GPC6: variants seen among roughly 807,000 people sequenced by gnomAD.
The protein encoded by GPC6 is glypican 6.
A neutral mutation model predicts 55.2 loss-of-function variants in GPC6; 14 were observed. The ratio of observed to expected loss-of-function variants is 0.25; its 90% CI spans 0.17 to 0.40. The LOEUF is 0.40. Ranked by LOEUF, GPC6 falls within the 10% of genes least tolerant of loss-of-function variation. The pLI, the probability that GPC6 is intolerant of heterozygous loss-of-function variation, is 1.00. For synonymous variants in GPC6, 278 were observed against 259.6 expected (o/e 1.07, Z -0.68); for missense variants, 641 against 708.5 (o/e 0.90, Z 1.08).
At chr13:94,270,298 T>C (rs1891951342) in intron 4 of GPC6, among the ~76,000 whole-genome samples, 1 of 152,192 alleles carries the variant, frequency 6.6e-6, no homozygotes, top group Non-Finnish European at 1.5e-5. Flanking sequence ...AGGAGTATAT[T>C]TTATAATAGT....
At chr13:93,619,477 G>A (rs1208314443) in intron 2 of GPC6, among the ~76,000 whole-genome samples, 1 of 152,108 alleles carries the variant, frequency 6.6e-6, no homozygotes, top group Non-Finnish European at 1.5e-5. Context: ...TCTAGAGACA[G>A]GGTTTCCCTT....
chr13:93,718,917 C>A (rs1272783551), intron 2 of GPC6, among the ~76,000 whole-genome samples: 1 of 151,686 alleles, frequency 6.6e-6, no homozygotes, highest in African/African-American at 2.4e-5. Flanking sequence ...TTTTCTGAGA[C>A]CTCTGTTCTA....
rs146654560 is a variant in GPC6 at position 93,350,317 on chromosome 13, C to T, written c.160+122701C>T. ...AGGTGTGGTGGCGGGTGCTTTAGTC[C>T]CAGCTACTCAGGAGGCTGAGGCAGG... On this transcript the variant is annotated intron_variant, in intron 1 of 8. Transcript: ENST00000377047. Among the ~76,000 whole-genome samples the T allele has an allele frequency of 3.3e-3, 508 of 152,088 alleles. 5 individuals are homozygous for T. Among genetic ancestry groups the T allele is most frequent in the African/African-American group, 0.012 (492 of 41,464 alleles).
At chr13:94,174,064 G>A (rs1424867851) in intron 4 of GPC6, among the ~76,000 whole-genome samples, 2 of 152,048 alleles carry the variant, frequency 1.3e-5, no homozygotes, top group Non-Finnish European at 2.9e-5. Context: ...TATGATTTTA[G>A]CTCTCTGGAA....
intron 1 of GPC6, among the ~76,000 whole-genome samples, chr13:93,494,624 G>A (rs1204488999): frequency 6.6e-6 from 1 of 152,096 alleles, no homozygotes; most frequent in Non-Finnish European, 1.5e-5. Flanking sequence ...AGTCTCAATG[G>A]TCTTTACATT....
At chr13:93,388,035 C>T (rs1014399472) in intron 1 of GPC6, among the ~76,000 whole-genome samples, 3 of 152,102 alleles carry the variant, frequency 2.0e-5, no homozygotes, top group African/African-American at 4.8e-5. Flanking sequence ...AAAATTCCAT[C>T]CATTATACTC....
intron 2 of GPC6, among the ~76,000 whole-genome samples, chr13:93,748,808 T>C (rs1029904103): frequency 3.3e-5 from 5 of 152,100 alleles, no homozygotes; most frequent in African/African-American, 1.2e-4. Flanking sequence ...CTTATTTTCA[T>C]GAACAAGTGA....
At chr13:94,400,962 A>G (rs747516323) in intron 8 of GPC6, among the ~76,000 whole-genome samples, 2 of 152,142 alleles carry the variant, frequency 1.3e-5, no homozygotes, top group Non-Finnish European at 2.9e-5. Context: ...TAAATAACAA[A>G]TGTCAGGGTA....
chr13:93,615,321 A>G (rs1566450863), intron 2 of GPC6, among the ~76,000 whole-genome samples: 1 of 152,178 alleles, frequency 6.6e-6, no homozygotes, highest in Non-Finnish European at 1.5e-5. Flanking sequence ...TCTTCCTGTT[A>G]TAAAATTACT....
chr13:93,636,061 T>C lies in GPC6; in HGVS notation c.319+90640T>C, dbSNP rs192291222. 9.2e-5 allele frequency among the ~76,000 whole-genome samples: 14 copies of C among 152,056 alleles called. No homozygotes were observed. In the East Asian group the frequency reaches 2.3e-3, roughly 25 times the overall value. ...CACACATACTGACATATTCCTAGGA[T>C]AGAAAAAAATGGGCAATGTTTTGAG... On this transcript the variant is annotated intron_variant, in intron 2 of 8. Transcript: ENST00000377047.
intron 2 of GPC6, among the ~76,000 whole-genome samples, chr13:93,795,519 G>C (rs2138928648): frequency 6.6e-6 from 1 of 152,208 alleles, no homozygotes; most frequent in African/African-American, 2.4e-5. Context: ...TCTTCTACAA[G>C]CTATACAAAG....
intron 3 of GPC6, among the ~76,000 whole-genome samples, chr13:93,871,166 C>G (rs755428566): frequency 2.6e-5 from 4 of 151,898 alleles, no homozygotes; most frequent in Non-Finnish European, 5.9e-5. Context: ...GAGACAGACT[C>G]TGTCTGCACG....
intron 1 of GPC6, among the ~76,000 whole-genome samples, chr13:93,310,751 A>G (rs1010994525): frequency 6.6e-6 from 1 of 152,298 alleles, no homozygotes; most frequent in Admixed American, 6.5e-5. Context: ...GTTGCATTCT[A>G]TATTTTAGGA....
At chr13:93,393,577 AAT>A (rs1464305832) in intron 1 of GPC6, among the ~76,000 whole-genome samples, 1 of 152,052 alleles carries the variant, frequency 6.6e-6, no homozygotes, top group East Asian at 1.9e-4. Context: ...CAAGCTTGAA[AAT>A]ATATGTTGCA....
chr13:93,769,191 G>A (rs1885214590), intron 2 of GPC6, among the ~76,000 whole-genome samples: 1 of 151,988 alleles, frequency 6.6e-6, no homozygotes, highest in South Asian at 2.1e-4. Context: ...AAATATGGTA[G>A]TCTTTGTTTC....
intron 6 of GPC6, among the ~76,000 whole-genome samples, chr13:94,372,962 C>T (rs956640899): frequency 6.6e-6 from 1 of 152,188 alleles, no homozygotes; most frequent in Non-Finnish European, 1.5e-5. Flanking sequence ...ACACTGACAC[C>T]TCACACGGCA....
In GPC6 at chr13:93,902,165, C is replaced by T. The variant is rs118028917; in HGVS notation, c.711+71620C>T. Among the ~76,000 whole-genome samples the T allele has an allele frequency of 5.6e-4, 85 of 152,168 alleles. No homozygotes were observed. In the East Asian group the frequency reaches 0.016, roughly 29 times the overall value. On this transcript the variant is annotated intron_variant, in intron 3 of 8. Coordinates refer to ENST00000377047, the MANE Select transcript of GPC6 (RefSeq NM_005708.5). ...TGTGACAGAACACTGGAACTTATCC[C>T]TCCAGCCTAACTGTAACTTTGCACC...
chr13:93,647,757 C>T (rs139089318), intron 2 of GPC6, among the ~76,000 whole-genome samples: 112 of 152,282 alleles, frequency 7.4e-4, no homozygotes, highest in African/African-American at 2.6e-3. Flanking sequence ...CATTTCAGTT[C>T]GCTCACTGCT....
chr13:93,709,768 T>C lies in GPC6; in HGVS notation c.320-120386T>C, dbSNP rs1882989455. On this transcript the variant is annotated intron_variant, in intron 2 of 8. Coordinates refer to ENST00000377047, the MANE Select transcript of GPC6 (RefSeq NM_005708.5). ...TAAAGATAAATAGTGTCACTAAGTG[T>C]CTTTTAGTGTCAGGCCTATTTTGGA... 3.3e-5 allele frequency among the ~76,000 whole-genome samples: 5 copies of C among 151,802 alleles called. No individual in the cohort carries two copies. The South Asian group carries it at 1.0e-3, about 31-fold the overall frequency.
Sources: allele counts gnomAD v4.1 joint callset (sites outside exome capture counted in the v4.1 genomes callset), GRCh38; gene constraint gnomAD v4.1.1; transcripts MANE v1.5; gene names NCBI Gene and HGNC (gene_info 2026-07-23, HGNC 2026-07-21).